CNTN4: variants seen among roughly 807,000 people sequenced by gnomAD.
CNTN4 encodes the protein contactin 4, also known as contactin-4.
CNTN4 carries 77 observed loss-of-function variants against 122.5 expected under a neutral mutation model. The ratio of observed to expected loss-of-function variants is 0.63; its 90% CI spans 0.52 to 0.76. CNTN4 has a LOEUF of 0.76. CNTN4 is among the 30% of genes least tolerant of loss of function. The probability of loss-of-function intolerance (pLI) is 0.00; values close to 1 mark genes in which losing one functional copy is unlikely to be tolerated. For synonymous variants in CNTN4, 512 were observed against 447.0 expected, an observed-to-expected ratio of 1.15 and a Z score of -1.83; for missense variants, 1,256 against 1,259.1, an observed-to-expected ratio of 1.00 and a Z score of 0.04.
chr3:2,293,493 A>G (rs987444382), intron 2 of CNTN4, among the ~76,000 whole-genome samples: 7 of 152,188 alleles, frequency 4.6e-5, no homozygotes, highest in African/African-American at 1.7e-4. Flanking sequence ...TAATGACTTT[A>G]GGCAAGTTAC....
intron 3 of CNTN4, among the ~76,000 whole-genome samples, chr3:2,429,846 A>G (rs1290956879): frequency 1.3e-5 from 2 of 152,150 alleles, no homozygotes; most frequent in Non-Finnish European, 2.9e-5. Context: ...TGTGCTAACA[A>G]TAAGTGAGGC....
intron 3 of CNTN4, among the ~76,000 whole-genome samples, chr3:2,348,494 C>T (rs1449131246): frequency 1.3e-5 from 2 of 152,190 alleles, no homozygotes; most frequent in Non-Finnish European, 2.9e-5. Context: ...ACCACCCTGT[C>T]CCTGAACCAC....
intron 6 of CNTN4, among the ~76,000 whole-genome samples, chr3:2,795,855 A>G (rs1274146204): frequency 6.6e-6 from 1 of 152,146 alleles, no homozygotes; most frequent in East Asian, 1.9e-4. Context: ...TTTGTCTTGT[A>G]TCCAAAATAG....
Position 2,951,948 on chromosome 3 carries a change from C to T in CNTN4, c.1358+26169C>T, listed in dbSNP as rs181632143. Among the ~76,000 whole-genome samples, 41 of 152,292 alleles carry T rather than the reference C, an allele frequency of 2.7e-4. No individual in the cohort carries two copies. In the Middle Eastern group the frequency reaches 0.01, roughly 38 times the overall value. On this transcript the variant is annotated intron_variant, in intron 13 of 24. Transcript: ENST00000418658. ...ACAGATAAACTAAAAGGAAGCTTTA[C>T]AGACTGAACATCAGCTACAGGAAGA...
chr3:2,324,290 G>GCAACA (rs869271720), intron 2 of CNTN4, among the ~76,000 whole-genome samples: 8 of 81,280 alleles, frequency 9.8e-5, no homozygotes, highest in African/African-American at 2.8e-4. Context: ...ATAACTGGAT[G>GCAACA]TGTCTGCAGC....
Position 2,890,043 on chromosome 3 carries a change from G to A in CNTN4, c.940+2819G>A, listed in dbSNP as rs567812691. 1.2e-4 allele frequency among the ~76,000 whole-genome samples: 18 copies of A among 152,322 alleles called. No homozygotes were observed. The East Asian group carries it at 3.1e-3, about 26-fold the overall frequency. ...AAAAGAGCAGAATAAAATAAAATTT[G>A]CCTGCTTTCTGAAGATAACTCAGCC... is the stretch of plus-strand genomic sequence containing the variant. On this transcript the variant is annotated intron_variant, in intron 10 of 24. Transcript: ENST00000418658.
rs1700358901 is a variant in CNTN4, at chr3:3,043,604, C to T, written c.2711C>T (p.Pro904Leu). Residue 904 changes from proline to leucine, a missense_variant, in exon 23 of 25, where the codon CCC (proline) becomes CTC (leucine). Transcript: ENST00000418658. ...VTTRKPPPSQ[P>L]PGNIIWNSSD... is the part of the protein sequence containing the mutation. ...AATTTTTTTATAGCACCAAGTCAAC[C>T]CCCCGGAAACATCATATGGAATTCA... is the stretch of plus-strand genomic sequence containing the variant. 6.2e-7 allele frequency: 1 copy of T among 1,612,894 alleles called. No individual in the cohort carries two copies. The highest frequency in any genetic ancestry group is 8.5e-7 in the Non-Finnish European group (1 of 1,179,044).
chr3:2,377,372 C>T (rs1688157048), intron 3 of CNTN4, among the ~76,000 whole-genome samples: 1 of 152,158 alleles, frequency 6.6e-6, no homozygotes, highest in South Asian at 2.1e-4. Context: ...GAATGACTGG[C>T]CATGCCTGCA....
intron 2 of CNTN4, among the ~76,000 whole-genome samples, chr3:2,261,435 A>T (rs1396678327): frequency 6.6e-6 from 1 of 152,168 alleles, no homozygotes; most frequent in African/African-American, 2.4e-5. Flanking sequence ...CATATATAAG[A>T]TTTTATTAAA....
intron 3 of CNTN4, among the ~76,000 whole-genome samples, chr3:2,408,682 T>C (rs906156421): frequency 3.3e-5 from 5 of 152,208 alleles, no homozygotes; most frequent in Admixed American, 1.3e-4. Context: ...CCTATCAATA[T>C]GTGCTATCTC....
chr3:3,054,271 G>GT (rs1553743002), intron 24 of CNTN4, among the ~76,000 whole-genome samples: 1 of 152,058 alleles, frequency 6.6e-6, no homozygotes, highest in Non-Finnish European at 1.5e-5. Flanking sequence ...ATCTATTGTA[G>GT]CCCCAGAATT....
At chr3:2,784,332 CA>C (rs1372359749) in intron 6 of CNTN4, among the ~76,000 whole-genome samples, 5 of 152,300 alleles carry the variant, frequency 3.3e-5, no homozygotes, top group African/African-American at 1.2e-4. Context: ...TAGGCAAACA[CA>C]ACACATTTTG....
intron 3 of CNTN4, among the ~76,000 whole-genome samples, chr3:2,478,420 T>A (rs2075891393): frequency 6.7e-6 from 1 of 150,204 alleles, no homozygotes; most frequent in African/African-American, 2.5e-5. Context: ...TTTTTTTTTT[T>A]ATTTCCAACT....
intron 4 of CNTN4, among the ~76,000 whole-genome samples, chr3:2,652,702 C>T (rs572339937): frequency 4.3e-4 from 66 of 152,166 alleles, no homozygotes; most frequent in African/African-American, 1.5e-3. Context: ...GTACAGGTCT[C>T]AGTGGAATCC....
chr3:2,564,363 C>T lies in CNTN4; in HGVS notation c.-88-7053C>T, dbSNP rs762971910. 2.6e-4 allele frequency among the ~76,000 whole-genome samples: 40 copies of T among 152,134 alleles called. No homozygotes were observed. The Middle Eastern group carries it at 0.017, about 65-fold the overall frequency. On this transcript the variant is annotated intron_variant, in intron 3 of 24. Transcript: ENST00000418658. ...TGGCTTGGAGTTAAATTTTCAGTAA[C>T]AGTTTAATACATAGAATTTAAAAGC...
chr3:3,034,050 G>A (rs1574879403), intron 16 of CNTN4, among the ~76,000 whole-genome samples: 2 of 152,212 alleles, frequency 1.3e-5, no homozygotes, highest in Admixed American at 1.3e-4. Context: ...TTGCACGCAA[G>A]TGTGTGCTCA....
chr3:2,898,838 C>G (rs1259202146), intron 10 of CNTN4, among the ~76,000 whole-genome samples: 2 of 152,094 alleles, frequency 1.3e-5, no homozygotes, highest in African/African-American at 4.8e-5. Context: ...GGTCAATATT[C>G]AGCAGGTTGA....
intron 2 of CNTN4, among the ~76,000 whole-genome samples, chr3:2,295,964 G>A (rs1453135192): frequency 6.6e-6 from 1 of 151,988 alleles, no homozygotes; most frequent in Non-Finnish European, 1.5e-5. Flanking sequence ...TTTTTATCAG[G>A]TTTGTCAAAG....
chr3:2,204,723 C>T (rs1168066550), intron 2 of CNTN4, among the ~76,000 whole-genome samples: 1 of 151,966 alleles, frequency 6.6e-6, no homozygotes. Context: ...TTAGCCTACT[C>T]ACTATTCTCA....
Sources: allele counts gnomAD v4.1 joint callset (sites outside exome capture counted in the v4.1 genomes callset), GRCh38; gene constraint gnomAD v4.1.1; transcripts MANE v1.5; gene names NCBI Gene and HGNC (gene_info 2026-07-23, HGNC 2026-07-21).